Variants in FAM81A observed in about 807,000 individuals in gnomAD.
The protein encoded by FAM81A is family with sequence similarity 81 member A.
In FAM81A, 19 loss-of-function variants were observed where a neutral mutation model predicts 46.7. That is an observed-to-expected ratio of 0.41 (90% CI 0.28 to 0.60). The LOEUF (loss-of-function observed/expected upper bound fraction) is 0.60, where lower values mean the gene tolerates loss of function less well. Among genes scored for constraint, FAM81A ranks in the 20% least tolerant of loss-of-function variants. FAM81A has a pLI of 0.34. For synonymous variants in FAM81A, 183 were observed against 152.9 expected, an observed-to-expected ratio of 1.20 and a Z score of -1.45; for missense variants, 377 against 453.5, an observed-to-expected ratio of 0.83 and a Z score of 1.53.
chr15:59,488,555 A>G (rs1241088320), intron 3 of FAM81A, among the ~76,000 whole-genome samples: 1 of 152,254 alleles, frequency 6.6e-6, no homozygotes, highest in African/African-American at 2.4e-5. Context: ...TAGTACTGAT[A>G]AACAAATTCA....
At chr15:59,477,069 G>A (rs556543366) in intron 3 of FAM81A, among the ~76,000 whole-genome samples, 191 of 149,710 alleles carry the variant, frequency 1.3e-3, no homozygotes, top group Non-Finnish European at 1.7e-3. Context: ...ACAGTCAGCC[G>A]AGATCGTGCC....
intron 7 of FAM81A, 25 bp from the exon 8 acceptor site, chr15:59,516,620 G>A (rs781583363): frequency 1.3e-6 from 2 of 1,599,192 alleles, no homozygotes; most frequent in Non-Finnish European, 1.7e-6. Flanking sequence ...GAGTGATTAA[G>A]TGCAGTTCTT....
intron 1 of FAM81A, among the ~76,000 whole-genome samples, chr15:59,447,309 C>G (rs116596655): frequency 0.01 from 1,558 of 152,246 alleles, 21 homozygotes; most frequent in African/African-American, 0.032. Context: ...TGTAAGGATG[C>G]CTAATGTCTT....
intron 1 of FAM81A, among the ~76,000 whole-genome samples, chr15:59,442,703 A>G (rs2141589619): frequency 6.6e-6 from 1 of 152,170 alleles, no homozygotes; most frequent in South Asian, 2.1e-4. Context: ...CTTTCAACCA[A>G]ATTCTCTAAA....
chr15:59,406,887 T>G (rs1475540308), intron 2 of FAM81A: 1 of 73,082 alleles, frequency 1.4e-5, no homozygotes, highest in Admixed American at 1.5e-4. Flanking sequence ...GAGGGAAAGT[T>G]TTTTTTTTTT....
At chr15:59,507,113 C>G (rs755090289) in intron 4 of FAM81A, 100 bp from the exon 5 acceptor site, 3 of 1,439,754 alleles carry the variant, frequency 2.1e-6, no homozygotes, top group Non-Finnish European at 2.8e-6. Context: ...GGATAGTGCA[C>G]TTTCTTTGAG....
intron 6 of FAM81A, among the ~76,000 whole-genome samples, chr15:59,510,482 A>G (rs575000981): frequency 1.3e-5 from 2 of 151,978 alleles, no homozygotes; most frequent in African/African-American, 4.8e-5. Context: ...ATATAGAAAG[A>G]TCTTAAAGCA....
chr15:59,402,979 C>T (rs12912551), intron 2 of FAM81A, among the ~76,000 whole-genome samples: 89,910 of 151,926 alleles, frequency 0.59, 27,165 homozygotes, highest in East Asian at 0.83. Flanking sequence ...GAACTGAGTC[C>T]TACCTGTTAT....
At chr15:59,498,298 G>A (rs2082055426) in intron 4 of FAM81A, among the ~76,000 whole-genome samples, 1 of 152,002 alleles carries the variant, frequency 6.6e-6, no homozygotes, top group Non-Finnish European at 1.5e-5. Flanking sequence ...TCTTTTTGAT[G>A]CTATTGTAAA....
At chr15:59,429,648 A>T (rs1327067476) in intron 2 of FAM81A, among the ~76,000 whole-genome samples, 1 of 152,270 alleles carries the variant, frequency 6.6e-6, no homozygotes, top group Non-Finnish European at 1.5e-5. Flanking sequence ...CTTTAAACTT[A>T]CAATGAATTA....
intron 2 of FAM81A, chr15:59,407,267 A>G (rs1396550237): frequency 7.4e-6 from 1 of 135,532 alleles, no homozygotes; most frequent in Non-Finnish European, 1.6e-5. Context: ...AACTATCATC[A>G]CCCACTTTCT....
chr15:59,450,253 T>C (rs1269416233), intron 1 of FAM81A, among the ~76,000 whole-genome samples: 1 of 152,198 alleles, frequency 6.6e-6, no homozygotes, highest in African/African-American at 2.4e-5. Flanking sequence ...TTTTCAATAC[T>C]ATTTGTTCTT....
intron 3 of FAM81A, among the ~76,000 whole-genome samples, chr15:59,481,811 A>T (rs1236607826): frequency 6.6e-6 from 1 of 151,704 alleles, no homozygotes; most frequent in Admixed American, 6.6e-5. Context: ...GGAAAGTTGT[A>T]TTGGGAAGGG....
At chr15:59,507,127 G>T in intron 4 of FAM81A, 86 bp from the exon 5 acceptor site, 1 of 1,484,952 alleles carries the variant, frequency 6.7e-7, no homozygotes, top group South Asian at 1.3e-5. Context: ...CTTTGAGTGG[G>T]TTTTGCATTT....
intron 3 of FAM81A, among the ~76,000 whole-genome samples, chr15:59,471,569 C>T (rs2081690816): frequency 2.0e-5 from 3 of 152,026 alleles, no homozygotes; most frequent in Admixed American, 6.6e-5. Context: ...CTCAAGTGAT[C>T]CTCCCACTTC....
At chr15:59,451,105 G>A (rs2081413312) in intron 1 of FAM81A, among the ~76,000 whole-genome samples, 1 of 152,212 alleles carries the variant, frequency 6.6e-6, no homozygotes, top group Non-Finnish European at 1.5e-5. Flanking sequence ...GGGTTCCAGT[G>A]TCATGGGTTT....
intron 3 of FAM81A, among the ~76,000 whole-genome samples, chr15:59,470,868 G>T (rs1402833261): frequency 6.6e-6 from 1 of 152,028 alleles, no homozygotes; most frequent in Non-Finnish European, 1.5e-5. Context: ...CACCTAGGCT[G>T]GTATAGTGCA....
intron 2 of FAM81A, among the ~76,000 whole-genome samples, chr15:59,405,156 C>T (rs1450021772): frequency 6.6e-6 from 1 of 152,200 alleles, no homozygotes; most frequent in African/African-American, 2.4e-5. Flanking sequence ...TCCTGCACAT[C>T]CTTTCCTTGT....
At chr15:59,453,180 G>A (rs2081439801) in intron 1 of FAM81A, among the ~76,000 whole-genome samples, 1 of 152,224 alleles carries the variant, frequency 6.6e-6, no homozygotes, top group Non-Finnish European at 1.5e-5. Context: ...GCTAAGGCCA[G>A]ACACTGTTCT....
Sources: allele counts gnomAD v4.1 joint callset (sites outside exome capture counted in the v4.1 genomes callset), GRCh38; gene constraint gnomAD v4.1.1; transcripts MANE v1.5; gene names NCBI Gene and HGNC (gene_info 2026-07-23, HGNC 2026-07-21).